EXOC6B: variants seen among roughly 807,000 people sequenced by gnomAD.
EXOC6B encodes the protein SEC15 homolog B.
A neutral mutation model predicts 113.5 loss-of-function variants in EXOC6B; 54 were observed. The observed-to-expected ratio is 0.48, with a 90% CI of 0.38 to 0.60. The LOEUF (loss-of-function observed/expected upper bound fraction) is 0.60. EXOC6B is among the 20% of genes least tolerant of loss of function. The pLI, the probability that EXOC6B is intolerant of heterozygous loss-of-function variation, is 0.00. For missense variants in EXOC6B, 797 were observed against 977.5 expected (o/e 0.82, Z 2.46); for synonymous variants, 357 against 339.0 (o/e 1.05, Z -0.58).
intron 16 of EXOC6B, among the ~76,000 whole-genome samples, chr2:72,481,691 C>A (rs1312066131): frequency 6.6e-6 from 1 of 152,070 alleles, no homozygotes; most frequent in African/African-American, 2.4e-5. Flanking sequence ...TCTTTTATAA[C>A]CCTATTTCTT....
chr2:72,361,409 C>T (rs1285708233), intron 19 of EXOC6B, among the ~76,000 whole-genome samples: 1 of 151,216 alleles, frequency 6.6e-6, no homozygotes, highest in South Asian at 2.1e-4. Flanking sequence ...TATATGCTTG[C>T]CCTATGTTTC....
intron 20 of EXOC6B, among the ~76,000 whole-genome samples, chr2:72,282,098 G>A (rs1187161187): frequency 6.6e-6 from 1 of 152,018 alleles, no homozygotes; most frequent in South Asian, 2.1e-4. Flanking sequence ...GACTTTTCCA[G>A]GCAAACAAAA....
intron 8 of EXOC6B, among the ~76,000 whole-genome samples, chr2:72,556,750 TA>T (rs5832086): frequency 2.0e-5 from 3 of 150,714 alleles, no homozygotes; most frequent in African/African-American, 7.3e-5. Context: ...AGAGGTATTT[TA>T]AAAAAAAACT....
chr2:72,726,581 C>A (rs1680310525), intron 5 of EXOC6B, among the ~76,000 whole-genome samples: 1 of 151,966 alleles, frequency 6.6e-6, no homozygotes, highest in Admixed American at 6.6e-5. Context: ...TTTTAAATTT[C>A]TTTAAAAGTT....
chr2:72,191,398 T>G (rs1041262748), intron 20 of EXOC6B, among the ~76,000 whole-genome samples: 1 of 152,198 alleles, frequency 6.6e-6, no homozygotes, highest in Non-Finnish European at 1.5e-5. Context: ...GACCAAGAAC[T>G]AGAAAGCATA....
intron 8 of EXOC6B, among the ~76,000 whole-genome samples, chr2:72,554,389 C>A (rs1318815494): frequency 6.6e-6 from 1 of 152,148 alleles, no homozygotes; most frequent in South Asian, 2.1e-4. Context: ...CAAATCTCAC[C>A]TCAAATTGTA....
At chr2:72,310,568 T>C (rs1178360020) in intron 20 of EXOC6B, among the ~76,000 whole-genome samples, 6 of 152,138 alleles carry the variant, frequency 3.9e-5, no homozygotes. Context: ...CAAAGATTAT[T>C]TCCCATTATA....
intron 18 of EXOC6B, among the ~76,000 whole-genome samples, chr2:72,457,404 G>A (rs1697304912): frequency 6.6e-6 from 1 of 152,050 alleles, no homozygotes; most frequent in Admixed American, 6.6e-5. Context: ...CCAGGGATAG[G>A]TATCATTGTA....
intron 21 of EXOC6B, among the ~76,000 whole-genome samples, chr2:72,179,728 T>A (rs998963469): frequency 2.6e-5 from 4 of 152,092 alleles, no homozygotes; most frequent in African/African-American, 9.7e-5. Context: ...TTATACCTGC[T>A]CCACCTAATT....
At chr2:72,823,452 G>A (rs1686690277) in intron 1 of EXOC6B, among the ~76,000 whole-genome samples, 2 of 60,208 alleles carry the variant, frequency 3.3e-5, no homozygotes, top group African/African-American at 5.9e-5. Flanking sequence ...TCAAATCAAA[G>A]TTTTAAGAAA....
At chr2:72,476,809 T>G (rs1483494954) in intron 17 of EXOC6B, among the ~76,000 whole-genome samples, 2 of 152,238 alleles carry the variant, frequency 1.3e-5, no homozygotes, top group Non-Finnish European at 2.9e-5. Context: ...ATTTATCTAC[T>G]TCGGTATCTC....
chr2:72,293,367 G>C (rs2104721926), intron 20 of EXOC6B, among the ~76,000 whole-genome samples: 1 of 152,228 alleles, frequency 6.6e-6, no homozygotes, highest in Admixed American at 6.5e-5. Flanking sequence ...ACAGATTGGA[G>C]GACCCAAGGA....
chr2:72,448,770 T>C (rs1696738031), intron 18 of EXOC6B, among the ~76,000 whole-genome samples: 2 of 152,178 alleles, frequency 1.3e-5, no homozygotes, highest in South Asian at 4.1e-4. Context: ...TCTCTATAAA[T>C]ACTGAGTTCA....
intron 6 of EXOC6B, among the ~76,000 whole-genome samples, chr2:72,692,257 G>A (rs750255814): frequency 6.0e-5 from 9 of 151,162 alleles, no homozygotes; most frequent in Non-Finnish European, 1.3e-4. Context: ...ATTACTATAT[G>A]ATTACTAATT....
In EXOC6B at chr2:72,364,748, G is replaced by A. The variant is rs116696978; in HGVS notation, c.2122+14981C>T. Among the ~76,000 whole-genome samples the A allele has an allele frequency of 5.4e-3, 816 of 152,178 alleles. 8 individuals carry two copies. The highest frequency in any genetic ancestry group is 0.019 in the African/African-American group (782 of 41,500). On this transcript the variant is annotated intron_variant, in intron 19 of 21. Transcript: ENST00000272427. Reference sequence around the variant, plus strand: ...TCCTCCAGAATGTGCATGTATTTCAGCTTTATCATCCTTCATCCCTGTTTA... The same window carrying A: ...TCCTCCAGAATGTGCATGTATTTCAACTTTATCATCCTTCATCCCTGTTTA...
At chr2:72,286,196 A>G (rs1288611720) in intron 20 of EXOC6B, among the ~76,000 whole-genome samples, 1 of 152,232 alleles carries the variant, frequency 6.6e-6, no homozygotes, top group Non-Finnish European at 1.5e-5. Flanking sequence ...CTGCACATGA[A>G]TGTTTATAGC....
intron 19 of EXOC6B, among the ~76,000 whole-genome samples, chr2:72,364,132 A>G (rs949659271): frequency 3.3e-5 from 5 of 152,070 alleles, no homozygotes; most frequent in African/African-American, 9.7e-5. Flanking sequence ...GTCATTTGGG[A>G]CTGCTTTTAT....
At chr2:72,403,827 G>A (rs377138272) in intron 18 of EXOC6B, among the ~76,000 whole-genome samples, 3 of 152,162 alleles carry the variant, frequency 2.0e-5, no homozygotes, top group African/African-American at 4.8e-5. Flanking sequence ...CTGAGGTACC[G>A]GGTTCATCTC....
chr2:72,756,827 G>A (rs1265312069), intron 1 of EXOC6B, among the ~76,000 whole-genome samples: 1 of 151,990 alleles, frequency 6.6e-6, no homozygotes, highest in Admixed American at 6.6e-5. Context: ...AAAGGATGAG[G>A]GAAAGGAAAA....
Sources: allele counts gnomAD v4.1 joint callset (sites outside exome capture counted in the v4.1 genomes callset), GRCh38; gene constraint gnomAD v4.1.1; transcripts MANE v1.5; gene names NCBI Gene and HGNC (gene_info 2026-07-23, HGNC 2026-07-21).